The following NUP98 variants were observed in gnomAD, a reference collection of about 807,000 sequenced individuals.
The protein encoded by NUP98 is nuclear pore complex protein Nup98-Nup96.
A neutral mutation model predicts 191.9 loss-of-function variants in NUP98; 26 were observed. The observed-to-expected ratio is 0.14, with a 90% CI of 0.10 to 0.19. The LOEUF is 0.19. NUP98 is among the 10% of genes least tolerant of loss of function. The pLI is 1.00. For synonymous variants in NUP98, 808 were observed against 778.4 expected (o/e 1.04, Z -0.63); for missense variants, 1,941 against 2,178.8 (o/e 0.89, Z 2.17).
At chr11:3,777,651 C>T (rs990377533) in intron 4 of NUP98, among the ~76,000 whole-genome samples, 1 of 144,692 alleles carries the variant, frequency 6.9e-6, no homozygotes, top group Non-Finnish European at 1.5e-5. Flanking sequence ...AGAAGTTATA[C>T]ATATGGTGCC....
In NUP98 at chr11:3,746,294, A is replaced by AAAAAAAAACG. The variant is rs144936005; in HGVS notation, c.1268-1646_1268-1645insCGTTTTTTTT. On this transcript the variant is annotated intron_variant, in intron 11 of 32. Coordinates refer to ENST00000324932, the MANE Select transcript of NUP98 (RefSeq NM_016320.5). ...CAAAAAAAAAAAAAAAAAAAAAAAAAGACAGCTTTGGGACAAAGAATAAGA... is the reference window on the plus strand; with the variant it reads ...CAAAAAAAAAAAAAAAAAAAAAAAAAAAAAAAAACGGACAGCTTTGGGACAAAGAATAAGA... Among the ~76,000 whole-genome samples, 11 of 93,104 alleles carry AAAAAAAAACG rather than the reference A, an allele frequency of 1.2e-4. 1 individual carries two copies. The highest frequency in any genetic ancestry group is 2.5e-4 in the Admixed American group (2 of 7,966). 61.1% of individuals were successfully genotyped at this position (93,104 alleles called of 152,430 possible). A position where few individuals can be genotyped will look rare whatever the true frequency, so the allele number is the denominator to read the frequency against.
At chr11:3,703,592 T>A (rs2078774394) in intron 22 of NUP98, among the ~76,000 whole-genome samples, 1 of 152,126 alleles carries the variant, frequency 6.6e-6, no homozygotes, top group Admixed American at 6.6e-5. Context: ...ATAAGTGACT[T>A]GTCCAAATCT....
rs1000884033 is a variant in NUP98 at position 3,758,089 on chromosome 11, C to T, written c.1174+2450G>A. ...TCCCAGCACTTTGGGAGGCCAATGC[C>T]GGCAGACCATGAGGTCACAACATCG... On this transcript the variant is annotated intron_variant, in intron 10 of 32. Transcript: ENST00000324932. Among the ~76,000 whole-genome samples, 15 of 150,076 alleles carry T rather than the reference C, an allele frequency of 1.0e-4. No individual in the cohort carries two copies. The South Asian group carries it at 2.3e-3, about 23-fold the overall frequency.
At chr11:3,758,429 T>C (rs1007515583) in intron 10 of NUP98, among the ~76,000 whole-genome samples, 10 of 151,738 alleles carry the variant, frequency 6.6e-5, no homozygotes, top group South Asian at 2.1e-4. Context: ...TAAGTGATAA[T>C]AGAAAAGGTT....
intron 1 of NUP98, among the ~76,000 whole-genome samples, chr11:3,787,883 T>G (rs2082195767): frequency 6.6e-6 from 1 of 151,926 alleles, no homozygotes; most frequent in Admixed American, 6.6e-5. Context: ...TCCCAGCTAC[T>G]TGGGAGGCTG....
At chr11:3,702,993 G>A (rs2078756332) in intron 22 of NUP98, 101 bp from the exon 23 acceptor site, 5 of 1,000,196 alleles carry the variant, frequency 5.0e-6, no homozygotes, top group African/African-American at 1.6e-5. Context: ...ATCATTCAAT[G>A]TTTAATCAAA....
At chr11:3,744,782 C>T (rs1025508635) in intron 11 of NUP98, 133 bp from the exon 12 acceptor site, 26 of 949,550 alleles carry the variant, frequency 2.7e-5, no homozygotes, top group Non-Finnish European at 3.9e-5. Context: ...GGGGTGAATA[C>T]GGTAAGTGTT....
chr11:3,739,389 C>T (rs2080193606), intron 12 of NUP98, among the ~76,000 whole-genome samples: 2 of 152,106 alleles, frequency 1.3e-5, no homozygotes, highest in African/African-American at 4.8e-5. Flanking sequence ...GGTGGGATTA[C>T]AGGTGCCTGC....
chr11:3,741,806 G>C (rs1403525924), intron 12 of NUP98, among the ~76,000 whole-genome samples: 1 of 152,170 alleles, frequency 6.6e-6, no homozygotes, highest in Non-Finnish European at 1.5e-5. Context: ...AGAAGCACAA[G>C]AGCATTAGAC....
At position 3,675,809 on chromosome 11, in the gene NUP98, T is replaced by A; in HGVS notation, c.*350A>T. ...GCCAGGGTAGGAGTAGGGAAGCTGG[T>A]TGGCATGGAGGGTCACAAGATCCAG... On this transcript the variant is annotated 3_prime_UTR_variant, in exon 33 of 33. Transcript: ENST00000324932. 2.6e-6 allele frequency: 1 copy of A among 391,888 alleles called. No homozygotes were observed. The highest frequency in any genetic ancestry group is 3.1e-5 in the South Asian group (1 of 32,626). The allele number at this position is 391,888 out of a possible 1,614,324, so 24.3% of individuals were successfully genotyped here. A position where few individuals can be genotyped will look rare whatever the true frequency, so the allele number is the denominator to read the frequency against.
At chr11:3,748,679 G>A (rs1246739786) in intron 11 of NUP98, among the ~76,000 whole-genome samples, 2 of 151,864 alleles carry the variant, frequency 1.3e-5, no homozygotes, top group Non-Finnish European at 2.9e-5. Flanking sequence ...AAAAAGAAAA[G>A]CCTTCCTTAA....
At chr11:3,772,562 A>C (rs543789445) in intron 6 of NUP98, among the ~76,000 whole-genome samples, 2 of 152,242 alleles carry the variant, frequency 1.3e-5, no homozygotes, top group East Asian at 3.9e-4. Context: ...TCATGCCTGT[A>C]ATCCCAGCAC....
At chr11:3,771,648 T>C in intron 7 of NUP98, 100 bp downstream of exon 7, 2 of 996,968 alleles carry the variant, frequency 2.0e-6, no homozygotes, top group South Asian at 1.6e-5. Context: ...CCCTGAATTA[T>C]TATTTTTCTC....
chr11:3,682,346 C>CTA (rs2078007620), intron 30 of NUP98, among the ~76,000 whole-genome samples: 2 of 152,212 alleles, frequency 1.3e-5, no homozygotes, highest in East Asian at 3.8e-4. Flanking sequence ...ATCTTTTGTC[C>CTA]TATCTTGGCT....
At chr11:3,694,095 G>C (rs1316269567) in intron 26 of NUP98, among the ~76,000 whole-genome samples, 3 of 151,816 alleles carry the variant, frequency 2.0e-5, no homozygotes, top group African/African-American at 4.8e-5. Flanking sequence ...AAAAAGGCCG[G>C]GTGCAGTGGA....
intron 8 of NUP98, among the ~76,000 whole-genome samples, chr11:3,764,294 T>C (rs1208581774): frequency 2.0e-5 from 3 of 152,278 alleles, no homozygotes; most frequent in Non-Finnish European, 2.9e-5. Flanking sequence ...TTCCAATTTA[T>C]GGTTGAACAA....
In NUP98 at chr11:3,679,601, A is replaced by G; in HGVS notation, c.5026T>C (p.Tyr1676His). The part of the protein sequence containing the change: ...IQDWETSGLV[Y>H]LDYIRVIEML... ...TCAATGACTCTAATATAGTCCAGGTAAACAAGCCCAGATGTTTCCCAATCC... is the reference window on the plus strand; with the variant it reads ...TCAATGACTCTAATATAGTCCAGGTGAACAAGCCCAGATGTTTCCCAATCC... The change falls in exon 31 of 33, where the codon TAC becomes CAC. Residue 1676 changes from tyrosine to histidine, a missense_variant. By Grantham distance (83) the Tyr-to-His change is moderately conservative (BLOSUM62 2). This residue lies in a region of NUP98 where 1,030 missense variants were observed against 1,115.8 expected (regional missense o/e 0.92). Coordinates refer to ENST00000324932, the MANE Select transcript of NUP98 (RefSeq NM_016320.5). The G allele has an allele frequency of 6.2e-7, 1 of 1,614,212 alleles. No homozygotes were observed. The highest frequency in any genetic ancestry group is 1.7e-5 in the Admixed American group (1 of 60,010).
chr11:3,759,676 G>C (rs916519484), intron 10 of NUP98, among the ~76,000 whole-genome samples: 7 of 151,932 alleles, frequency 4.6e-5, no homozygotes, highest in Non-Finnish European at 7.4e-5. Flanking sequence ...AGTAGGTTAA[G>C]GTTTTGAAAA....
intron 9 of NUP98, among the ~76,000 whole-genome samples, chr11:3,762,545 A>C (rs2081209562): frequency 6.6e-6 from 1 of 152,202 alleles, no homozygotes; most frequent in Non-Finnish European, 1.5e-5. Context: ...ATACCAATTT[A>C]TCACCTACAA....
Sources: allele counts gnomAD v4.1 joint callset (sites outside exome capture counted in the v4.1 genomes callset), GRCh38; gene constraint gnomAD v4.1.1; regional missense constraint gnomAD v4.1.1; transcripts MANE v1.5; gene names NCBI Gene and HGNC (gene_info 2026-07-23, HGNC 2026-07-21).